Variants in NUP98 observed in about 807,000 individuals in gnomAD.
NUP98 encodes nucleoporin 98 and 96 precursor.
NUP98 carries 26 observed loss-of-function variants against 191.9 expected under a neutral mutation model. That is an observed-to-expected ratio of 0.14 (90% CI 0.10 to 0.19). NUP98 has a LOEUF of 0.19. NUP98 is among the 10% of genes least tolerant of loss of function. The pLI, the probability that NUP98 is intolerant of heterozygous loss-of-function variation, is 1.00. For synonymous variants in NUP98, 808 were observed against 778.4 expected, an observed-to-expected ratio of 1.04 and a Z score of -0.63; for missense variants, 1,941 against 2,178.8, an observed-to-expected ratio of 0.89 and a Z score of 2.17.
chr11:3,765,400 T>C (rs2081304132), intron 8 of NUP98, among the ~76,000 whole-genome samples: 1 of 152,236 alleles, frequency 6.6e-6, no homozygotes, highest in African/African-American at 2.4e-5. Flanking sequence ...CCAACTTATC[T>C]ATTTTTTCTT....
At chr11:3,794,665 G>A (rs1253349406) in intron 1 of NUP98, among the ~76,000 whole-genome samples, 3 of 152,122 alleles carry the variant, frequency 2.0e-5, no homozygotes, top group African/African-American at 4.8e-5. Context: ...TTCCCAGGCT[G>A]GAAAGCAGTG....
At chr11:3,735,541 A>G (rs933942141) in intron 12 of NUP98, among the ~76,000 whole-genome samples, 6 of 152,144 alleles carry the variant, frequency 3.9e-5, no homozygotes, top group African/African-American at 9.7e-5. Context: ...GAGACATTTC[A>G]TAAGATACAA....
intron 8 of NUP98, among the ~76,000 whole-genome samples, chr11:3,765,191 C>T (rs2081295938): frequency 2.6e-5 from 4 of 152,060 alleles, no homozygotes; most frequent in Admixed American, 2.6e-4. Flanking sequence ...TGTTTTTCTG[C>T]CATCTTTGTT....
intron 28 of NUP98, among the ~76,000 whole-genome samples, chr11:3,690,131 T>C (rs1460995062): frequency 1.3e-5 from 2 of 151,678 alleles, no homozygotes; most frequent in Non-Finnish European, 2.9e-5. Flanking sequence ...TTCGTATTTT[T>C]AGTAGAGATG....
intron 1 of NUP98, among the ~76,000 whole-genome samples, chr11:3,794,637 G>C (rs1236149743): frequency 2.0e-5 from 3 of 151,968 alleles, no homozygotes; most frequent in African/African-American, 7.3e-5. Context: ...TTTGTTTTAA[G>C]ACAGGGCCTC....
intron 23 of NUP98, 95 bp from the exon 24 acceptor site, chr11:3,700,934 C>CA: frequency 1.2e-6 from 1 of 816,910 alleles, no homozygotes. Flanking sequence ...TTTATGATTA[C>CA]AAACGGAATG....
intron 1 of NUP98, among the ~76,000 whole-genome samples, chr11:3,783,355 T>C (rs1421532677): frequency 6.6e-6 from 1 of 152,068 alleles, no homozygotes; most frequent in African/African-American, 2.4e-5. Context: ...GCCACTTCCC[T>C]CCAGCAAAGG....
At chr11:3,726,540 A>AG (rs57182769) in intron 14 of NUP98, among the ~76,000 whole-genome samples, 1 of 151,092 alleles carries the variant, frequency 6.6e-6, no homozygotes, top group African/African-American at 2.4e-5. Context: ...AAAAAAAAAA[A>AG]GACAAGGGTA....
At chr11:3,765,792 ACT>A (rs1284497911) in intron 8 of NUP98, among the ~76,000 whole-genome samples, 4 of 133,336 alleles carry the variant, frequency 3.0e-5, no homozygotes, top group Non-Finnish European at 3.1e-5. Context: ...TTAGAACAAG[ACT>A]CTGTCTCAAA....
chr11:3,777,816 C>A (rs1004796907), intron 4 of NUP98, among the ~76,000 whole-genome samples: 1 of 152,008 alleles, frequency 6.6e-6, no homozygotes, highest in African/African-American at 2.4e-5. Context: ...CAAACAGGCA[C>A]ATTTCTTTTG....
chr11:3,689,237 CA>C (rs1193773259), intron 28 of NUP98, among the ~76,000 whole-genome samples: 1 of 151,894 alleles, frequency 6.6e-6, no homozygotes, highest in Non-Finnish European at 1.5e-5. Flanking sequence ...TGTCTAAAAA[CA>C]AAACAAGGCT....
intron 21 of NUP98, 56 bp from the exon 22 acceptor site, chr11:3,705,412 CAA>C: frequency 6.6e-7 from 1 of 1,525,796 alleles, no homozygotes; most frequent in South Asian, 1.2e-5. Context: ...AAGGCCATAC[CAA>C]AAAAAAATGC....
chr11:3,679,736 G>T lies in NUP98; in HGVS notation c.4919-28C>A, dbSNP rs749173075. On this transcript the variant is annotated intron_variant, in intron 30 of 32. Transcript: ENST00000324932. ...GAAGAAACAAAGTATTGAGCACAAT[G>T]TCTGCACAAGTGCATAGTTTCCAAA... 2.5e-6 allele frequency: 4 copies of T among 1,602,266 alleles called. No homozygotes were observed. The Admixed American group carries it at 6.9e-5, about 28-fold the overall frequency.
At position 3,723,113 on chromosome 11, in the gene NUP98, G is replaced by A. The variant is rs570726833; in HGVS notation, c.2146+44C>T. ...ATATCTGCAACAAGCAAGTCATCTC[G>A]AATGACTGGTAAGAGATTAAACATG... On this transcript the variant is annotated intron_variant, in intron 16 of 32. Transcript: ENST00000324932. 60 of 1,561,768 alleles carry A rather than the reference G, an allele frequency of 3.8e-5. No individual in the cohort carries two copies. In the South Asian group the frequency reaches 4.8e-4, roughly 13 times the overall value.
chr11:3,770,275 A>G (rs2081483451), intron 7 of NUP98, among the ~76,000 whole-genome samples: 1 of 151,998 alleles, frequency 6.6e-6, no homozygotes, highest in South Asian at 2.1e-4. Context: ...GAACCTGGGA[A>G]TTGGAGGTTG....
At chr11:3,771,346 A>C (rs1429632136) in intron 7 of NUP98, among the ~76,000 whole-genome samples, 2 of 152,200 alleles carry the variant, frequency 1.3e-5, no homozygotes, top group African/African-American at 4.8e-5. Flanking sequence ...TAAAAATTCA[A>C]GTCTTGATAT....
chr11:3,754,295 G>A lies in NUP98; in HGVS notation c.1175-887C>T, dbSNP rs567578249. ...TACAAAATTAGCCGGGCATGATGGC[G>A]CATGCCTATAAACCCAGCTACTTGG... On this transcript the variant is annotated intron_variant, in intron 10 of 32. Coordinates refer to ENST00000324932, the MANE Select transcript of NUP98 (RefSeq NM_016320.5). Among the ~76,000 whole-genome samples the A allele has an allele frequency of 4.6e-5, 7 of 152,234 alleles. No homozygotes were observed. The South Asian group carries it at 6.2e-4, about 14-fold the overall frequency.
chr11:3,701,300 C>T (rs1457442985), intron 23 of NUP98, among the ~76,000 whole-genome samples: 4 of 140,434 alleles, frequency 2.8e-5, no homozygotes, highest in Non-Finnish European at 6.0e-5. Context: ...CACACTGTCG[C>T]TGAGGTTGGA....
At chr11:3,739,604 T>C (rs2080203528) in intron 12 of NUP98, among the ~76,000 whole-genome samples, 1 of 152,090 alleles carries the variant, frequency 6.6e-6, no homozygotes, top group Non-Finnish European at 1.5e-5. Flanking sequence ...AAAACTCGAA[T>C]TCACCTCCGC....
Sources: allele counts gnomAD v4.1 joint callset (sites outside exome capture counted in the v4.1 genomes callset), GRCh38; gene constraint gnomAD v4.1.1; transcripts MANE v1.5; gene names NCBI Gene and HGNC (gene_info 2026-07-23, HGNC 2026-07-21).